TRIM37: variants seen among roughly 807,000 people sequenced by gnomAD.
TRIM37 encodes the protein tripartite motif containing 37.
TRIM37 carries 80 observed loss-of-function variants against 129.8 expected under a neutral mutation model. The ratio of observed to expected loss-of-function variants is 0.62; its 90% CI spans 0.51 to 0.74. TRIM37 has a LOEUF of 0.74. TRIM37 is among the 30% of genes least tolerant of loss of function. The probability of loss-of-function intolerance (pLI) is 0.00; values close to 1 mark genes in which losing one functional copy is unlikely to be tolerated. For missense variants in TRIM37, 1,054 were observed against 1,176.5 expected (o/e 0.90, Z 1.52); for synonymous variants, 389 against 387.1 (o/e 1.00, Z -0.06).
At chr17:58,986,955 A>G (rs541556763) in intron 24 of TRIM37, among the ~76,000 whole-genome samples, 3 of 152,036 alleles carry the variant, frequency 2.0e-5, no homozygotes, top group African/African-American at 4.8e-5. Context: ...GAGAGCCCCA[A>G]CTGTTGAATA....
rs375056499 is a variant in TRIM37, at chr17:59,041,790, A to T, written c.1753+23T>A. The T allele has an allele frequency of 3.9e-5, 61 of 1,571,652 alleles. No individual in the cohort carries two copies. The African/African-American group carries it at 7.3e-4, about 19-fold the overall frequency. On this transcript the variant is annotated intron_variant, in intron 17 of 23. Transcript: ENST00000262294. Reference sequence around the variant, plus strand: ...GCAGAGAGAAAACAGAATGGCTTGGAGGCAGTGGAGTGACCTCATTACCTG... The same window carrying T: ...GCAGAGAGAAAACAGAATGGCTTGGTGGCAGTGGAGTGACCTCATTACCTG...
At chr17:59,096,563 C>A (rs7209276) in intron 2 of TRIM37, among the ~76,000 whole-genome samples, 1,594 of 112,418 alleles carry the variant, frequency 0.014, 3 homozygotes, top group Middle Eastern at 0.019. Flanking sequence ...AAAAAAAAAA[C>A]AAAAAAAAAA....
chr17:59,047,838 A>T lies in TRIM37; in HGVS notation c.1531-19T>A. 1 of 1,613,498 alleles carries T rather than the reference A, an allele frequency of 6.2e-7. No individual in the cohort carries two copies. The highest frequency in any genetic ancestry group is 8.5e-7 in the Non-Finnish European group (1 of 1,179,998). On this transcript the variant is annotated intron_variant, in intron 15 of 23. Coordinates refer to ENST00000262294, the MANE Select transcript of TRIM37 (RefSeq NM_015294.6). ...GCTCGTGCTAGATCAATGCCAAGAAAACAAGACGTCTATTCCAAATGTTTC... is the reference window on the plus strand; with the variant it reads ...GCTCGTGCTAGATCAATGCCAAGAATACAAGACGTCTATTCCAAATGTTTC...
At position 59,047,832 on chromosome 17, in the gene TRIM37, C is replaced by G. The variant is rs373163185; in HGVS notation, c.1531-13G>C. 1.9e-6 allele frequency: 3 copies of G among 1,613,450 alleles called. No homozygotes were observed. The highest frequency in any genetic ancestry group is 1.1e-5 in the South Asian group (1 of 91,082). ...CTGAAAGCTCGTGCTAGATCAATGC[C>G]AAGAAAACAAGACGTCTATTCCAAA... On this transcript the variant is annotated splice_polypyrimidine_tract_variant and intron_variant, in intron 15 of 23. Coordinates refer to ENST00000262294, the MANE Select transcript of TRIM37 (RefSeq NM_015294.6).
At chr17:59,100,153 T>G (rs1239091557) in intron 2 of TRIM37, among the ~76,000 whole-genome samples, 2 of 152,198 alleles carry the variant, frequency 1.3e-5, no homozygotes, top group Non-Finnish European at 2.9e-5. Context: ...TGTCCATGTA[T>G]GCTCATTGTT....
intron 2 of TRIM37, 82 bp from the exon 3 acceptor site, chr17:59,091,422 T>A: frequency 1.7e-5 from 5 of 298,910 alleles, no homozygotes; most frequent in African/African-American, 2.4e-5. Flanking sequence ...TATTTATATA[T>A]AATATATATA....
chr17:59,106,082 T>C lies in TRIM37; in HGVS notation c.21+359A>G, dbSNP rs143695973. Among the ~76,000 whole-genome samples, 288 of 152,278 alleles carry C rather than the reference T, an allele frequency of 1.9e-3. 2 individuals carry two copies. Among genetic ancestry groups the C allele is most frequent in the Non-Finnish European group, 2.3e-3 (157 of 68,020 alleles). ...CTATCCATTTGGAAGGAGATTTAGA[T>C]CAGCTCAAGAACTCGCAAGGACTGG... On this transcript the variant is annotated intron_variant, in intron 1 of 23. Transcript: ENST00000262294.
chr17:59,081,289 T>C lies in TRIM37; in HGVS notation c.370-70A>G, dbSNP rs2043232897. 5.7e-6 allele frequency: 9 copies of C among 1,580,180 alleles called. 1 individual carries two copies. The South Asian group carries it at 7.8e-5, about 14-fold the overall frequency. ...CTGCATTTACATTCCTTTGTAACAC[T>C]CTATGGACACTAATAAACTGGTAAA... On this transcript the variant is annotated intron_variant, in intron 5 of 23. Coordinates refer to ENST00000262294, the MANE Select transcript of TRIM37 (RefSeq NM_015294.6).
chr17:59,073,326 C>A (rs1441043920), intron 8 of TRIM37, among the ~76,000 whole-genome samples: 2 of 151,876 alleles, frequency 1.3e-5, no homozygotes, highest in Non-Finnish European at 2.9e-5. Context: ...CAGGGTCTCG[C>A]TCTGTCGCCC....
chr17:58,988,325 T>C lies in TRIM37; in HGVS notation c.2892-5404A>G, dbSNP rs900314318. On this transcript the variant is annotated intron_variant, in intron 24 of 24. Transcript: ENST00000393066. ...GCTGTGACACACACCCAGGGGAGTA[T>C]ACAGCGGCCTTGGGCATGGGTAAAG... Among the ~76,000 whole-genome samples, 3 of 152,154 alleles carry C rather than the reference T, an allele frequency of 2.0e-5. No individual in the cohort carries two copies. In the East Asian group the frequency reaches 5.8e-4, roughly 29 times the overall value.
rs190985755 is a variant in TRIM37, at chr17:59,063,050, C to A, written c.861-402G>T. Among the ~76,000 whole-genome samples the A allele has an allele frequency of 7.9e-5, 12 of 152,010 alleles. No homozygotes were observed. In the East Asian group the frequency reaches 2.3e-3, roughly 29 times the overall value. ...ATAATCATCTTTTAATATTGAAGAA[C>A]AAGAGTACACTAAACCTTAATACGT... On this transcript the variant is annotated intron_variant, in intron 10 of 23. Transcript: ENST00000262294.
Position 59,028,613 on chromosome 17 carries a change from A to G in TRIM37, c.2059T>C (p.Cys687Arg), listed in dbSNP as rs1167434065. 3 of 1,614,222 alleles carry G rather than the reference A, an allele frequency of 1.9e-6. No individual in the cohort carries two copies. Among genetic ancestry groups the G allele is most frequent in the Middle Eastern group, 1.6e-4 (1 of 6,062 alleles). The change falls in exon 19 of 24, where the codon TGT (cysteine) becomes CGT (arginine). Residue 687 changes from cysteine (C) to arginine (R), a missense_variant. Coordinates refer to ENST00000262294, the MANE Select transcript of TRIM37 (RefSeq NM_015294.6). ...RLKTQMAEVR[C>R]MKTDVKNTLS... The stretch of plus-strand genomic sequence containing the variant: ...GTATTCTTTACATCAGTTTTCATAC[A>G]TCGAACTTCGGCCATTTGAGTTTTG...
At chr17:58,973,824 C>T in the TRIM37 span, among the ~76,000 whole-genome samples, 10 of 151,808 alleles carry the variant, frequency 6.6e-5, no homozygotes, top group African/African-American at 1.9e-4. Context: ...TTGTGGCACA[C>T]GTCTGTAGTC....
intron 19 of TRIM37, 56 bp from the exon 20 acceptor site, chr17:59,017,480 A>G: frequency 2.5e-6 from 4 of 1,612,546 alleles, no homozygotes; most frequent in Non-Finnish European, 3.4e-6. Context: ...AAAACTCACT[A>G]TTTAGTCTGT....
intron 21 of TRIM37, among the ~76,000 whole-genome samples, chr17:59,013,562 T>C (rs1320892575): frequency 2.0e-5 from 3 of 152,302 alleles, no homozygotes; most frequent in Admixed American, 1.3e-4. Flanking sequence ...CATGAAAAAT[T>C]AATAACAGCA....
intron 8 of TRIM37, among the ~76,000 whole-genome samples, chr17:59,071,358 TCA>T (rs1221055758): frequency 6.7e-6 from 1 of 149,626 alleles, no homozygotes; most frequent in East Asian, 2.0e-4. Context: ...CGATCTCGGC[TCA>T]CTGCAACCTC....
chr17:59,044,620 TC>T (rs1256392535), intron 16 of TRIM37, among the ~76,000 whole-genome samples: 1 of 152,134 alleles, frequency 6.6e-6, no homozygotes, highest in African/African-American at 2.4e-5. Flanking sequence ...TTTCCCCTTG[TC>T]ATTATTCTGT....
At chr17:59,032,264 G>A (rs548487667) in intron 17 of TRIM37, among the ~76,000 whole-genome samples, 174 bp from the exon 18 acceptor site, 87 of 152,202 alleles carry the variant, frequency 5.7e-4, no homozygotes, top group Non-Finnish European at 1.1e-3. Context: ...GGTGGCTCAC[G>A]CCTGTAATCC....
intron 6 of TRIM37, among the ~76,000 whole-genome samples, chr17:59,080,663 C>T (rs1599414180): frequency 6.6e-6 from 1 of 152,004 alleles, no homozygotes; most frequent in South Asian, 2.1e-4. Flanking sequence ...TGGTGGTGGG[C>T]ACCTGTAATC....
Sources: allele counts gnomAD v4.1 joint callset (sites outside exome capture counted in the v4.1 genomes callset), GRCh38; gene constraint gnomAD v4.1.1; transcripts MANE v1.5; gene names NCBI Gene and HGNC (gene_info 2026-07-23, HGNC 2026-07-21).